Variants in C12orf56 observed in about 807,000 individuals in gnomAD.
C12orf56 encodes the protein chromosome 12 open reading frame 56.
C12orf56 carries 71 observed loss-of-function variants against 69.9 expected under a neutral mutation model. That is an observed-to-expected ratio of 1.02 (90% CI 0.84 to 1.24). The LOEUF is 1.24. Among genes scored for constraint, C12orf56 ranks in the 50% most tolerant of loss-of-function variants. C12orf56 has a pLI of 0.00. For synonymous variants in C12orf56, 276 were observed against 274.1 expected (o/e 1.01, Z -0.07); for missense variants, 732 against 738.5 (o/e 0.99, Z 0.10).
At chr12:64,293,016 T>C (rs965290744) in intron 6 of C12orf56, among the ~76,000 whole-genome samples, 6 of 151,692 alleles carry the variant, frequency 4.0e-5, no homozygotes, top group African/African-American at 4.8e-5. Context: ...TCCGTGGGCG[T>C]AGGACCCTCC....
At chr12:64,267,701 A>C (rs1319742174) in intron 12 of C12orf56, 1 of 160,202 alleles carries the variant, frequency 6.2e-6, no homozygotes, top group Non-Finnish European at 1.4e-5. Flanking sequence ...AGGCCAGAGG[A>C]AGAGGCAAAA....
chr12:64,318,863 C>T lies in C12orf56; in HGVS notation c.606G>A (p.Arg202=), dbSNP rs1592449217. The part of the protein sequence containing the change: ...GAFRPLPSPS[R]RSSQSAPTTG... Reference sequence around the variant, plus strand: ...TTGTTGGTGCAGACTGAGAGCTCCTCCTGGAGGGGGAAGGTAGGGGTCGAA... The same window carrying T: ...TTGTTGGTGCAGACTGAGAGCTCCTTCTGGAGGGGGAAGGTAGGGGTCGAA... The change falls in exon 4 of 13, where the codon AGG becomes AGA. Residue 202 remains arginine, a synonymous_variant. Transcript: ENST00000543942. The T allele has an allele frequency of 7.8e-6, 12 of 1,537,008 alleles. No homozygotes were observed. The East Asian group carries it at 2.7e-4, about 34-fold the overall frequency.
chr12:64,390,242 G>T (rs1454354429), intron 1 of C12orf56, 72 bp downstream of exon 1: 11 of 1,494,726 alleles, frequency 7.4e-6, no homozygotes, highest in Non-Finnish European at 8.9e-6. Context: ...GCGCAGGAGG[G>T]CTGGGTTTGG....
intron 6 of C12orf56, among the ~76,000 whole-genome samples, chr12:64,298,155 C>CTT (rs2038393748): frequency 6.6e-6 from 1 of 151,210 alleles, no homozygotes; most frequent in African/African-American, 2.4e-5. Context: ...AGCTTTTTTT[C>CTT]ATGTTTGTTG....
intron 1 of C12orf56, among the ~76,000 whole-genome samples, chr12:64,376,121 T>C (rs6421214): frequency 0.44 from 66,680 of 152,062 alleles, 16,286 homozygotes; most frequent in Non-Finnish European, 0.56. Context: ...GCCCAATTCT[T>C]TTCCACAACA....
At chr12:64,303,611 T>C in intron 6 of C12orf56, 24 bp downstream of exon 6, 1 of 1,496,638 alleles carries the variant, frequency 6.7e-7, no homozygotes, top group Non-Finnish European at 8.9e-7. Flanking sequence ...ACTTTAAAGA[T>C]TAAAAATAAA....
chr12:64,304,604 T>C (rs917736973), intron 5 of C12orf56, among the ~76,000 whole-genome samples: 1 of 152,146 alleles, frequency 6.6e-6, no homozygotes, highest in Non-Finnish European at 1.5e-5. Flanking sequence ...ACCTATCCTA[T>C]CCCCTCAGCT....
rs115281006 is a variant in C12orf56, at chr12:64,286,596, T to A, written c.1114-536A>T. On this transcript the variant is annotated intron_variant, in intron 6 of 12. Coordinates refer to ENST00000543942, the MANE Select transcript of C12orf56 (RefSeq NM_001170633.2). ...TTGCCATTTCTGTCAAAATAAACAC[T>A]GACTTAGAGCTGGGGAACCCATTTT... Among the ~76,000 whole-genome samples, 246 of 152,326 alleles carry A rather than the reference T, an allele frequency of 1.6e-3. 1 individual carries two copies. The highest frequency in any genetic ancestry group is 5.6e-3 in the African/African-American group (232 of 41,578).
rs192193744 is a variant in C12orf56 at position 64,271,390 on chromosome 12, A to G, written c.1585-676T>C. On this transcript the variant is annotated intron_variant, in intron 11 of 12. Transcript: ENST00000543942. ...TGAGGCACAAGAACTGCTTGAATGC[A>G]GAGGCAGAGGTTGCAGTGAGCCAAG... Among the ~76,000 whole-genome samples, 255 of 147,470 alleles carry G rather than the reference A, an allele frequency of 1.7e-3. 1 individual carries two copies. Among genetic ancestry groups the G allele is most frequent in the African/African-American group, 6.2e-3 (248 of 39,800 alleles).
At chr12:64,277,851 G>A (rs777176686) in intron 8 of C12orf56, 48 bp from the exon 9 acceptor site, 2 of 1,393,852 alleles carry the variant, frequency 1.4e-6, no homozygotes, top group Admixed American at 2.3e-5. Context: ...GTGTTGAGAG[G>A]AAAAATGGTG....
intron 2 of C12orf56, among the ~76,000 whole-genome samples, chr12:64,350,414 T>TA (rs1009645766): frequency 5.9e-5 from 9 of 152,204 alleles, no homozygotes; most frequent in East Asian, 1.9e-4. Flanking sequence ...CAGAGTGGCT[T>TA]AAAAAAAATC....
intron 5 of C12orf56, among the ~76,000 whole-genome samples, 151 bp from the exon 6 acceptor site, chr12:64,303,930 T>C (rs1374726446): frequency 6.6e-6 from 1 of 152,212 alleles, no homozygotes; most frequent in East Asian, 1.9e-4. Context: ...TCACCAGTAG[T>C]GAAACTTGCT....
At chr12:64,283,426 TC>T (rs539490876) in intron 8 of C12orf56, among the ~76,000 whole-genome samples, 4 of 152,020 alleles carry the variant, frequency 2.6e-5, no homozygotes, top group East Asian at 1.9e-4. Flanking sequence ...AATGCTACTG[TC>T]CCCCCCTATA....
intron 2 of C12orf56, among the ~76,000 whole-genome samples, chr12:64,332,960 G>GT (rs1371099262): frequency 2.0e-5 from 3 of 152,240 alleles, no homozygotes; most frequent in African/African-American, 7.2e-5. Context: ...GGCAGAATCA[G>GT]TTTTTTCTAT....
intron 5 of C12orf56, among the ~76,000 whole-genome samples, chr12:64,309,699 C>A (rs1386990923): frequency 6.6e-6 from 1 of 152,078 alleles, no homozygotes; most frequent in Non-Finnish European, 1.5e-5. Flanking sequence ...TTAGTAGAGA[C>A]AGGGTTTCGC....
At chr12:64,334,032 TG>T (rs746575673) in intron 2 of C12orf56, among the ~76,000 whole-genome samples, 25 of 152,240 alleles carry the variant, frequency 1.6e-4, no homozygotes, top group Non-Finnish European at 3.1e-4. Flanking sequence ...GCAGTTGACA[TG>T]CTTCTTCAGT....
chr12:64,281,827 C>T (rs2038132893), intron 8 of C12orf56, among the ~76,000 whole-genome samples: 1 of 151,972 alleles, frequency 6.6e-6, no homozygotes, highest in African/African-American at 2.4e-5. Flanking sequence ...CAATTAAAGG[C>T]AACGCTTTTA....
At chr12:64,293,546 G>C (rs1185871634) in intron 6 of C12orf56, among the ~76,000 whole-genome samples, 3 of 150,214 alleles carry the variant, frequency 2.0e-5, no homozygotes, top group Admixed American at 6.7e-5. Context: ...TGATTTAAAC[G>C]TAAGTTTAAA....
chr12:64,298,713 G>C (rs1473543473), intron 6 of C12orf56, among the ~76,000 whole-genome samples: 1 of 152,140 alleles, frequency 6.6e-6, no homozygotes, highest in African/African-American at 2.4e-5. Context: ...TTATTTCTGA[G>C]GGCTCTGTTC....
Sources: allele counts gnomAD v4.1 joint callset (sites outside exome capture counted in the v4.1 genomes callset), GRCh38; gene constraint gnomAD v4.1.1; transcripts MANE v1.5; gene names NCBI Gene and HGNC (gene_info 2026-07-23, HGNC 2026-07-21).